The following TTC23 variants were observed in gnomAD, a reference collection of about 807,000 sequenced individuals.
TTC23 encodes tetratricopeptide repeat protein 23.
A neutral mutation model predicts 55.1 loss-of-function variants in TTC23; 58 were observed. The observed-to-expected ratio is 1.05, with a 90% CI of 0.85 to 1.31. TTC23 has a LOEUF of 1.31. Ranked by LOEUF, TTC23 falls within the 50% of genes most tolerant of loss-of-function variation. The pLI, the probability that TTC23 is intolerant of heterozygous loss-of-function variation, is 0.00. For synonymous variants in TTC23, 203 were observed against 199.9 expected, an observed-to-expected ratio of 1.02 and a Z score of -0.13; for missense variants, 516 against 534.4, an observed-to-expected ratio of 0.97 and a Z score of 0.34.
chr15:99,202,695 A>C (rs2076295856), intron 8 of TTC23, among the ~76,000 whole-genome samples: 1 of 152,208 alleles, frequency 6.6e-6, no homozygotes, highest in South Asian at 2.1e-4. Context: ...AGGTCTCAAA[A>C]GTCATCCTTC....
intron 9 of TTC23, among the ~76,000 whole-genome samples, chr15:99,189,124 GTA>G (rs2075008051): frequency 6.6e-6 from 1 of 152,022 alleles, no homozygotes; most frequent in African/African-American, 2.4e-5. Context: ...TACATAAAAT[GTA>G]TTATTATACA....
chr15:99,166,968 G>A (rs1407148327), intron 10 of TTC23, among the ~76,000 whole-genome samples: 1 of 152,156 alleles, frequency 6.6e-6, no homozygotes, highest in East Asian at 1.9e-4. Flanking sequence ...TAGGATACAA[G>A]AAAGCTCCTT....
At chr15:99,194,686 A>G (rs2075550198) in intron 9 of TTC23, among the ~76,000 whole-genome samples, 1 of 152,154 alleles carries the variant, frequency 6.6e-6, no homozygotes, top group Admixed American at 6.6e-5. Context: ...CTATAATCCC[A>G]GCACTTTGGG....
At chr15:99,195,724 G>A (rs960115028) in intron 9 of TTC23, among the ~76,000 whole-genome samples, 1 of 152,024 alleles carries the variant, frequency 6.6e-6, no homozygotes, top group African/African-American at 2.4e-5. Context: ...GTCAACTATG[G>A]ACTTTAGGTG....
rs908617300 is a variant in TTC23 at position 99,205,069 on chromosome 15, G to A, written c.582-4973C>T. ...TTGAAGACACTATCTTTCTCCCAGT[G>A]TATGTTCTTGGCACCTTTGTAAAAA... On this transcript the variant is annotated intron_variant, in intron 8 of 13. Coordinates refer to ENST00000394132, the MANE Select transcript of TTC23 (RefSeq NM_001288615.3). 4.6e-5 allele frequency among the ~76,000 whole-genome samples: 7 copies of A among 152,188 alleles called. No homozygotes were observed. The East Asian group carries it at 1.3e-3, about 29-fold the overall frequency.
At chr15:99,190,579 G>C (rs997372585) in intron 9 of TTC23, among the ~76,000 whole-genome samples, 3 of 152,130 alleles carry the variant, frequency 2.0e-5, no homozygotes, top group African/African-American at 7.2e-5. Flanking sequence ...GTGTATGTTT[G>C]TATGTATGTC....
chr15:99,221,929 T>C, intron 5 of TTC23, 65 bp from the exon 6 acceptor site: 1 of 1,576,246 alleles, frequency 6.3e-7, no homozygotes. Flanking sequence ...ACAAAATCAA[T>C]GCGCTTTTAT....
At chr15:99,154,934 T>C (rs1180568196) in intron 12 of TTC23, among the ~76,000 whole-genome samples, 1 of 152,242 alleles carries the variant, frequency 6.6e-6, no homozygotes, top group East Asian at 1.9e-4. Context: ...CTGTTTATTA[T>C]TATATTGGAG....
chr15:99,155,726 C>G, intron 12 of TTC23: 1 of 191,414 alleles, frequency 5.2e-6, no homozygotes, highest in Non-Finnish European at 1.1e-5. Context: ...TGGTGCTGGA[C>G]AACTGGGTGG....
At chr15:99,141,393 G>A (rs2068216621) in intron 12 of TTC23, among the ~76,000 whole-genome samples, 4 of 152,108 alleles carry the variant, frequency 2.6e-5, no homozygotes, top group Admixed American at 2.0e-4. Flanking sequence ...AAAATAAGAA[G>A]AGCATGGGAA....
intron 8 of TTC23, among the ~76,000 whole-genome samples, chr15:99,205,007 T>C (rs2076505711): frequency 1.3e-5 from 2 of 152,226 alleles, no homozygotes; most frequent in African/African-American, 4.8e-5. Flanking sequence ...GTTTCATTCT[T>C]ATGAATATGG....
At chr15:99,183,754 A>G (rs1311631610) in intron 9 of TTC23, among the ~76,000 whole-genome samples, 1 of 152,076 alleles carries the variant, frequency 6.6e-6, no homozygotes, top group Non-Finnish European at 1.5e-5. Context: ...CTGGGGAGAA[A>G]TTCAAGCTGT....
intron 9 of TTC23, among the ~76,000 whole-genome samples, chr15:99,197,383 T>G (rs1429990825): frequency 6.6e-6 from 1 of 151,974 alleles, no homozygotes; most frequent in Non-Finnish European, 1.5e-5. Context: ...ATTACAGGTG[T>G]GAGCCACCAC....
At chr15:99,223,810 T>C (rs927497848) in intron 5 of TTC23, among the ~76,000 whole-genome samples, 1 of 152,166 alleles carries the variant, frequency 6.6e-6, no homozygotes, top group Non-Finnish European at 1.5e-5. Flanking sequence ...CGCAGGCTCA[T>C]GAGAAAAATG....
chr15:99,150,182 G>C (rs1443596652), intron 12 of TTC23, among the ~76,000 whole-genome samples: 1 of 152,242 alleles, frequency 6.6e-6, no homozygotes, highest in Non-Finnish European at 1.5e-5. Context: ...GTGCTCATTA[G>C]AACAGCCTCA....
rs566968237 is a variant in TTC23 at position 99,182,021 on chromosome 15, G to C, written c.760-6866C>G. 2.6e-5 allele frequency among the ~76,000 whole-genome samples: 4 copies of C among 152,260 alleles called. No individual in the cohort carries two copies. In the South Asian group the frequency reaches 8.3e-4, roughly 32 times the overall value. On this transcript the variant is annotated intron_variant, in intron 9 of 13. Transcript: ENST00000394132. ...GGGCTTATATTTTCTTCGTTTGGTT[G>C]CAAGTATGTGTTTTCTTAAAACTTA...
intron 5 of TTC23, among the ~76,000 whole-genome samples, chr15:99,227,454 C>T (rs2078548056): frequency 1.3e-5 from 2 of 152,152 alleles, no homozygotes; most frequent in African/African-American, 4.8e-5. Flanking sequence ...CTGCAAATAT[C>T]CTCCTAACTG....
intron 9 of TTC23, among the ~76,000 whole-genome samples, chr15:99,186,988 G>C (rs1210472334): frequency 6.6e-6 from 1 of 151,854 alleles, no homozygotes; most frequent in Non-Finnish European, 1.5e-5. Context: ...AAAAATTCCA[G>C]GGATCCAGAA....
intron 9 of TTC23, among the ~76,000 whole-genome samples, chr15:99,197,801 G>A (rs2075871163): frequency 6.6e-6 from 1 of 151,938 alleles, no homozygotes; most frequent in South Asian, 2.1e-4. Context: ...AGCTACTCGG[G>A]AGGCTGAGGC....
Sources: gnomAD v4.1 joint callset for allele counts (sites outside exome capture counted in the v4.1 genomes callset) on GRCh38, gnomAD v4.1.1 for gene constraint, MANE v1.5 for transcripts, NCBI Gene and HGNC (gene_info 2026-07-23, HGNC 2026-07-21) for gene names.